The following ADAM23 variants were observed in gnomAD, a reference collection of about 807,000 sequenced individuals.
ADAM23 encodes disintegrin and metalloproteinase domain-containing protein 23.
A neutral mutation model predicts 120.1 loss-of-function variants in ADAM23; 33 were observed. The observed-to-expected ratio is 0.27, with a 90% CI of 0.21 to 0.37. ADAM23 has a LOEUF of 0.37. Ranked by LOEUF, ADAM23 falls within the 10% of genes least tolerant of loss-of-function variation. ADAM23 has a pLI of 1.00. For synonymous variants in ADAM23, 367 were observed against 375.2 expected, an observed-to-expected ratio of 0.98 and a Z score of 0.25; for missense variants, 862 against 1,058.2, an observed-to-expected ratio of 0.81 and a Z score of 2.57.
intron 2 of ADAM23, among the ~76,000 whole-genome samples, chr2:206,480,253 A>G (rs1397575215): frequency 6.6e-6 from 1 of 152,068 alleles, no homozygotes; most frequent in African/African-American, 2.4e-5. Flanking sequence ...GAAGGCAAAG[A>G]GGAGCATGGG....
chr2:206,513,253 A>G (rs547826437), intron 3 of ADAM23, among the ~76,000 whole-genome samples: 1 of 152,340 alleles, frequency 6.6e-6, no homozygotes, highest in Admixed American at 6.5e-5. Context: ...AGGCCTCTTG[A>G]GTCAGTTAGC....
intron 2 of ADAM23, among the ~76,000 whole-genome samples, chr2:206,477,909 TATATATATATATAA>T (rs1695815523): frequency 2.1e-5 from 3 of 140,560 alleles, no homozygotes; most frequent in Admixed American, 1.4e-4. Flanking sequence ...TATATATATA[TATATATATATATAA>T]AACAACAATG....
rs1483132462 is a variant in ADAM23, at chr2:206,585,743, A to T, written c.1738-1582A>T. On this transcript the variant is annotated intron_variant, in intron 18 of 25. Coordinates refer to ENST00000264377, the MANE Select transcript of ADAM23 (RefSeq NM_003812.4). ...ATAGAATCCTGCTTGCATGGAGCTC[A>T]CATTATGATGGGGCAACAATGAACA... Among the ~76,000 whole-genome samples, 80 of 152,222 alleles carry T rather than the reference A, an allele frequency of 5.3e-4. 1 individual carries two copies. The highest frequency in any genetic ancestry group is 5.2e-3 in the Admixed American group (80 of 15,284).
At chr2:206,472,799 G>A (rs1281819780) in intron 2 of ADAM23, among the ~76,000 whole-genome samples, 3 of 152,106 alleles carry the variant, frequency 2.0e-5, no homozygotes, top group Admixed American at 6.5e-5. Flanking sequence ...TCGCATAATC[G>A]AATATTGGCT....
intron 2 of ADAM23, among the ~76,000 whole-genome samples, chr2:206,477,895 A>ATATATATATATATAT (rs1553548627): frequency 1.1e-3 from 112 of 101,926 alleles, no homozygotes; most frequent in African/African-American, 3.3e-3. Context: ...AAAAAAAAAA[A>ATATATATATATATAT]AAATATATAT....
chr2:206,481,221 T>C lies in ADAM23; in HGVS notation c.433-11T>C. The C allele has an allele frequency of 6.3e-7, 1 of 1,597,258 alleles. No homozygotes were observed. The highest frequency in any genetic ancestry group is 2.2e-5 in the East Asian group (1 of 44,510). ...GTAAGTTAAGGTTCTTCTGTCTTTT[T>C]GAATCCATAGGCTGTCCATCTGGCC... On this transcript the variant is annotated splice_polypyrimidine_tract_variant and intron_variant, in intron 2 of 25. Coordinates refer to ENST00000264377, the MANE Select transcript of ADAM23 (RefSeq NM_003812.4).
intron 18 of ADAM23, among the ~76,000 whole-genome samples, chr2:206,575,944 A>G (rs1698103827): frequency 6.6e-6 from 1 of 152,156 alleles, no homozygotes; most frequent in Non-Finnish European, 1.5e-5. Flanking sequence ...AGAAAAAATG[A>G]GGAGAGAGAA....
chr2:206,480,458 GT>G (rs1433833712), intron 2 of ADAM23, among the ~76,000 whole-genome samples: 1 of 147,706 alleles, frequency 6.8e-6, no homozygotes, highest in Non-Finnish European at 1.5e-5. Context: ...ATTTAGCCTT[GT>G]TCTTTTTTTT....
rs1697930772 is a variant in ADAM23 at position 206,568,351 on chromosome 2, T to A, written c.1494+1029T>A. Among the ~76,000 whole-genome samples the A allele has an allele frequency of 6.6e-5, 10 of 152,178 alleles. No homozygotes were observed. In the South Asian group the frequency reaches 1.9e-3, roughly 28 times the overall value. Reference sequence around the variant, plus strand: ...TATTCTTAATTCAGAAAACTGAAAATTTTCAGAAGTGTTTTTTATGTTTGT... The same window carrying A: ...TATTCTTAATTCAGAAAACTGAAAAATTTCAGAAGTGTTTTTTATGTTTGT... On this transcript the variant is annotated intron_variant, in intron 15 of 25. Transcript: ENST00000264377.
chr2:206,573,220 A>G, intron 18 of ADAM23, 25 bp downstream of exon 18: 8 of 1,605,300 alleles, frequency 5.0e-6, no homozygotes, highest in Non-Finnish European at 6.8e-6. Flanking sequence ...GTTTTTGGTA[A>G]TACATTTTAC....
intron 3 of ADAM23, among the ~76,000 whole-genome samples, chr2:206,504,715 C>G (rs531992069): frequency 1.3e-5 from 2 of 152,148 alleles, no homozygotes; most frequent in African/African-American, 4.8e-5. Context: ...AGATGAAGAC[C>G]CAGAAATTTA....
chr2:206,588,458 T>C (rs1698364763), intron 20 of ADAM23, among the ~76,000 whole-genome samples: 1 of 152,214 alleles, frequency 6.6e-6, no homozygotes, highest in Admixed American at 6.5e-5. Context: ...ACTTGTGTGA[T>C]TTATTTTGTA....
intron 6 of ADAM23, among the ~76,000 whole-genome samples, chr2:206,546,166 A>G (rs1485491465): frequency 6.6e-6 from 1 of 152,058 alleles, no homozygotes; most frequent in Non-Finnish European, 1.5e-5. Flanking sequence ...CCTGTTGCCT[A>G]CCTTTTGGTT....
intron 3 of ADAM23, among the ~76,000 whole-genome samples, chr2:206,497,171 A>G (rs914154929): frequency 2.1e-4 from 32 of 152,216 alleles, no homozygotes; most frequent in Non-Finnish European, 2.5e-4. Context: ...CATCATCCTG[A>G]TACCAAAGCC....
At position 206,594,793 on chromosome 2, in the gene ADAM23, C is replaced by T. The variant is rs761701093; in HGVS notation, c.2135C>T (p.Thr712Met). ...DTDVGYVEDG[T>M]PCGPSMMCLD... ...GATGTGGGCTATGTAGAAGATGGAA[C>T]GCCATGTGGCCCGTCTATGATGTGT... The change falls in exon 23 of 26, where the codon ACG becomes ATG. Residue 712 changes from threonine (T) to methionine (M), a missense_variant. Coordinates refer to ENST00000264377, the MANE Select transcript of ADAM23 (RefSeq NM_003812.4). 2.3e-5 allele frequency: 37 copies of T among 1,614,044 alleles called. No individual in the cohort carries two copies. The highest frequency in any genetic ancestry group is 2.2e-4 in the South Asian group (20 of 91,080).
intron 3 of ADAM23, among the ~76,000 whole-genome samples, chr2:206,487,859 G>A (rs1004394614): frequency 6.6e-5 from 10 of 152,224 alleles, no homozygotes; most frequent in African/African-American, 2.4e-4. Context: ...TGCCCAGGGA[G>A]AACTCCGGGT....
At chr2:206,556,365 G>A (rs1007614125) in intron 9 of ADAM23, among the ~76,000 whole-genome samples, 1 of 152,074 alleles carries the variant, frequency 6.6e-6, no homozygotes, top group Non-Finnish European at 1.5e-5. Context: ...GGGTGCGAAT[G>A]GGCAAAGGAC....
chr2:206,547,950 C>A (rs897567176), intron 7 of ADAM23, among the ~76,000 whole-genome samples: 47 of 152,260 alleles, frequency 3.1e-4, no homozygotes, highest in Admixed American at 1.0e-3. Flanking sequence ...ATAATTTATG[C>A]AAAAGCTAAT....
chr2:206,613,088 T>G (rs1251766546), intron 25 of ADAM23, among the ~76,000 whole-genome samples: 1 of 152,134 alleles, frequency 6.6e-6, no homozygotes, highest in Non-Finnish European at 1.5e-5. Flanking sequence ...AGACAGAGTT[T>G]TGCTTTTATT....
Sources: gnomAD v4.1 joint callset for allele counts (sites outside exome capture counted in the v4.1 genomes callset) on GRCh38, gnomAD v4.1.1 for gene constraint, MANE v1.5 for transcripts, NCBI Gene and HGNC (gene_info 2026-07-23, HGNC 2026-07-21) for gene names.